The following HSD17B11 variants were observed in gnomAD, a reference collection of about 807,000 sequenced individuals.
HSD17B11 encodes the protein estradiol 17-beta-dehydrogenase 11.
HSD17B11 carries 22 observed loss-of-function variants against 27.8 expected under a neutral mutation model. The ratio of observed to expected loss-of-function variants is 0.79; its 90% CI spans 0.56 to 1.13. The LOEUF (loss-of-function observed/expected upper bound fraction) is 1.13, where lower values mean the gene tolerates loss of function less well. Among genes scored for constraint, HSD17B11 ranks in the 50% most tolerant of loss-of-function variants. The pLI is 0.00. For synonymous variants in HSD17B11, 117 were observed against 132.8 expected, an observed-to-expected ratio of 0.88 and a Z score of 0.82; for missense variants, 314 against 351.1, an observed-to-expected ratio of 0.89 and a Z score of 0.84.
rs542384326 is a variant in HSD17B11, at chr4:87,369,093, T to G, written c.557+3616A>C. On this transcript the variant is annotated intron_variant, in intron 4 of 6. Coordinates refer to ENST00000358290, the MANE Select transcript of HSD17B11 (RefSeq NM_016245.5). Reference sequence around the variant, plus strand: ...GGTCTGGATCGGGACTCCTTTCCATTAACATTTCTGCATGGTGAAGCTATC... The same window carrying G: ...GGTCTGGATCGGGACTCCTTTCCATGAACATTTCTGCATGGTGAAGCTATC... Among the ~76,000 whole-genome samples the G allele has an allele frequency of 9.2e-5, 14 of 152,332 alleles. No individual in the cohort carries two copies. The South Asian group carries it at 1.5e-3, about 16-fold the overall frequency.
chr4:87,363,970 AT>A (rs1328755718), intron 4 of HSD17B11, among the ~76,000 whole-genome samples: 12 of 152,248 alleles, frequency 7.9e-5, no homozygotes, highest in Non-Finnish European at 2.9e-5. Context: ...AAGTCGGGTA[AT>A]AAGAGCTCTG....
chr4:87,364,487 GGT>G (rs1735582814), intron 4 of HSD17B11, among the ~76,000 whole-genome samples: 1 of 152,086 alleles, frequency 6.6e-6, no homozygotes, highest in African/African-American at 2.4e-5. Context: ...TACTTTAAGG[GGT>G]GGCTAATAGT....
intron 5 of HSD17B11, among the ~76,000 whole-genome samples, chr4:87,344,351 C>T (rs1192178726): frequency 6.6e-6 from 1 of 152,134 alleles, no homozygotes; most frequent in Non-Finnish European, 1.5e-5. Context: ...ATGATCAGAA[C>T]ACTCAATTAC....
At chr4:87,390,752 T>G in intron 1 of HSD17B11, 109 bp downstream of exon 1, 2 of 894,140 alleles carry the variant, frequency 2.2e-6, no homozygotes, top group Non-Finnish European at 3.6e-6. Context: ...TACTAATTTT[T>G]TTTTCCTCCC....
chr4:87,355,323 G>A (rs1216724012), intron 5 of HSD17B11, among the ~76,000 whole-genome samples: 1 of 151,736 alleles, frequency 6.6e-6, no homozygotes, highest in Non-Finnish European at 1.5e-5. Flanking sequence ...ATTTGGGTGG[G>A]GCAATGATTT....
chr4:87,374,899 A>AT (rs369137917), intron 2 of HSD17B11, 69 bp from the exon 3 acceptor site: 312,946 of 930,192 alleles, frequency 0.34, 17,830 homozygotes, highest in African/African-American at 0.36. Flanking sequence ...CACAATGGCT[A>AT]TTTTTTTTTT....
intron 1 of HSD17B11, among the ~76,000 whole-genome samples, chr4:87,388,617 T>C (rs970698772): frequency 6.6e-6 from 1 of 152,244 alleles, no homozygotes; most frequent in African/African-American, 2.4e-5. Flanking sequence ...ATAGAGTCTT[T>C]TATCTACTTT....
intron 5 of HSD17B11, among the ~76,000 whole-genome samples, chr4:87,346,183 T>A (rs1735267783): frequency 6.6e-6 from 1 of 152,142 alleles, no homozygotes; most frequent in Non-Finnish European, 1.5e-5. Flanking sequence ...CACCATCATC[T>A]CAGTAGGTAT....
intron 4 of HSD17B11, among the ~76,000 whole-genome samples, chr4:87,362,621 T>C (rs4469031): frequency 0.65 from 97,867 of 151,310 alleles, 31,878 homozygotes; most frequent in East Asian, 0.73. Flanking sequence ...AGAACAGGTT[T>C]GGCACTATGG....
intron 6 of HSD17B11, among the ~76,000 whole-genome samples, chr4:87,339,052 T>G (rs1735113393): frequency 6.6e-6 from 1 of 152,228 alleles, no homozygotes; most frequent in African/African-American, 2.4e-5. Context: ...TAGAATTAAT[T>G]TATTCAATCA....
chr4:87,340,156 A>G (rs989954217), intron 6 of HSD17B11, among the ~76,000 whole-genome samples: 2 of 152,106 alleles, frequency 1.3e-5, no homozygotes, highest in African/African-American at 4.8e-5. Context: ...CTAAAACCTA[A>G]CTCTGGTCTC....
At chr4:87,368,761 G>A (rs1197239492) in intron 4 of HSD17B11, among the ~76,000 whole-genome samples, 4 of 152,168 alleles carry the variant, frequency 2.6e-5, no homozygotes, top group Non-Finnish European at 2.9e-5. Context: ...AAATGGCCAC[G>A]AGAGTGACCT....
intron 5 of HSD17B11, among the ~76,000 whole-genome samples, chr4:87,346,403 CTT>C (rs1256031544): frequency 1.3e-5 from 2 of 152,178 alleles, no homozygotes; most frequent in Non-Finnish European, 2.9e-5. Context: ...AATCCCAACA[CTT>C]TGGGAGGCCG....
intron 2 of HSD17B11, among the ~76,000 whole-genome samples, chr4:87,378,895 A>AAT (rs1303288739): frequency 7.1e-4 from 6 of 8,410 alleles, no homozygotes; most frequent in South Asian, 2.5e-3. Context: ...TATATATATA[A>AAT]ATATATATAA....
At position 87,378,905 on chromosome 4, in the gene HSD17B11, A is replaced by AAATATATATAAATATATAT. The variant is rs1720029370; in HGVS notation, c.318+3349_318+3350insATATATATTTATATATATT. ...AAATATATATATATAAATATATATA[A>AAATATATATAAATATATAT]ATATATATATATAAATATATATAAA... On this transcript the variant is annotated intron_variant, in intron 2 of 6. Coordinates refer to ENST00000358290, the MANE Select transcript of HSD17B11 (RefSeq NM_016245.5). 1.6e-4 allele frequency among the ~76,000 whole-genome samples: 2 copies of AAATATATATAAATATATAT among 12,366 alleles called. 1 individual carries two copies. The highest frequency in any genetic ancestry group is 1.1e-3 in the African/African-American group (2 of 1,768). 8.1% of individuals were successfully genotyped at this position (12,366 alleles called of 152,430 possible). A position where few individuals can be genotyped will look rare whatever the true frequency, so the allele number is the denominator to read the frequency against.
chr4:87,340,881 A>C (rs1406154523), intron 5 of HSD17B11, among the ~76,000 whole-genome samples: 3 of 152,232 alleles, frequency 2.0e-5, no homozygotes, highest in African/African-American at 4.8e-5. Flanking sequence ...TGAAGGCAAT[A>C]TTATAATTCC....
chr4:87,355,203 G>T (rs919200448), intron 5 of HSD17B11, among the ~76,000 whole-genome samples: 1 of 151,980 alleles, frequency 6.6e-6, no homozygotes, highest in African/African-American at 2.4e-5. Flanking sequence ...CTTATAATAT[G>T]AATTTAATAT....
chr4:87,377,360 G>C (rs1735849974), intron 2 of HSD17B11, among the ~76,000 whole-genome samples: 1 of 151,712 alleles, frequency 6.6e-6, no homozygotes, highest in Non-Finnish European at 1.5e-5. Flanking sequence ...TGAGGCAGGA[G>C]AATCGCCTGA....
intron 4 of HSD17B11, among the ~76,000 whole-genome samples, chr4:87,359,237 T>C (rs960760132): frequency 1.2e-4 from 19 of 152,158 alleles, no homozygotes; most frequent in African/African-American, 4.1e-4. Context: ...TACAGAAGGC[T>C]TAAAAGAAAG....
Sources: gnomAD v4.1 joint callset for allele counts (sites outside exome capture counted in the v4.1 genomes callset) on GRCh38, gnomAD v4.1.1 for gene constraint, MANE v1.5 for transcripts, NCBI Gene and HGNC (gene_info 2026-07-23, HGNC 2026-07-21) for gene names.